Variants in SPATA17 observed in about 807,000 individuals in gnomAD.
The protein encoded by SPATA17 is spermatogenesis associated 17.
SPATA17 carries 53 observed loss-of-function variants against 62.2 expected under a neutral mutation model. The ratio of observed to expected loss-of-function variants is 0.85; its 90% CI spans 0.68 to 1.07. The LOEUF (loss-of-function observed/expected upper bound fraction) is 1.07. Ranked by LOEUF, SPATA17 falls within the 50% of genes least tolerant of loss-of-function variation. The pLI is 0.00. For missense variants in SPATA17, 466 were observed against 425.5 expected, an observed-to-expected ratio of 1.10 and a Z score of -0.84; for synonymous variants, 146 against 146.8, an observed-to-expected ratio of 0.99 and a Z score of 0.04.
At chr1:217,755,615 C>A (rs1673023844) in intron 6 of SPATA17, among the ~76,000 whole-genome samples, 1 of 151,866 alleles carries the variant, frequency 6.6e-6, no homozygotes, top group Non-Finnish European at 1.5e-5. Flanking sequence ...GTTTATTCAG[C>A]AATATTTTCC....
At chr1:217,702,328 C>T (rs1671618052) in intron 5 of SPATA17, among the ~76,000 whole-genome samples, 1 of 151,994 alleles carries the variant, frequency 6.6e-6, no homozygotes, top group South Asian at 2.1e-4. Context: ...TTTTAAATTA[C>T]CCATGCTTTT....
chr1:217,757,326 T>C (rs1210490394), intron 6 of SPATA17, among the ~76,000 whole-genome samples: 1 of 152,228 alleles, frequency 6.6e-6, no homozygotes, highest in Non-Finnish European at 1.5e-5. Flanking sequence ...AGTTTACATC[T>C]GAGTCAATAA....
At chr1:217,680,692 A>G (rs1671059028) in intron 4 of SPATA17, among the ~76,000 whole-genome samples, 2 of 152,082 alleles carry the variant, frequency 1.3e-5, no homozygotes, top group African/African-American at 2.4e-5. Flanking sequence ...TGGGAGGCCA[A>G]GGCGGGAGGA....
At chr1:217,660,910 C>T (rs1286136441) in intron 3 of SPATA17, among the ~76,000 whole-genome samples, 8 of 152,118 alleles carry the variant, frequency 5.3e-5, no homozygotes, top group African/African-American at 1.2e-4. Context: ...ATGGGTTACT[C>T]GGTTATGCTT....
chr1:217,802,047 T>C (rs1002673828), intron 9 of SPATA17, among the ~76,000 whole-genome samples, 197 bp downstream of exon 9: 2 of 152,118 alleles, frequency 1.3e-5, no homozygotes, highest in Non-Finnish European at 2.9e-5. Flanking sequence ...TTAAGTTTTA[T>C]GACTTAGCTA....
intron 9 of SPATA17, among the ~76,000 whole-genome samples, chr1:217,826,835 TTATTTAAATTCTCTGTACC>T (rs530278334): frequency 2.6e-3 from 398 of 152,240 alleles, no homozygotes; most frequent in Non-Finnish European, 5.1e-3. Flanking sequence ...TTTAAGCAAG[TTATTTAAATTCTCTGTACC>T]TTAATTTTCT....
At chr1:217,664,671 C>T (rs1039085552) in intron 3 of SPATA17, among the ~76,000 whole-genome samples, 1 of 151,866 alleles carries the variant, frequency 6.6e-6, no homozygotes, top group African/African-American at 2.4e-5. Flanking sequence ...GATTCAGAAG[C>T]CTAAGGAAGG....
intron 5 of SPATA17, among the ~76,000 whole-genome samples, chr1:217,707,990 G>A (rs367815561): frequency 8.5e-5 from 13 of 152,118 alleles, no homozygotes; most frequent in Admixed American, 7.2e-4. Flanking sequence ...TGGAATCAAG[G>A]AATTCTTTGA....
At chr1:217,846,876 A>G (rs1675542912) in intron 9 of SPATA17, among the ~76,000 whole-genome samples, 1 of 152,094 alleles carries the variant, frequency 6.6e-6, no homozygotes, top group Admixed American at 6.5e-5. Flanking sequence ...AATATAACAT[A>G]AATTATTTAG....
chr1:217,837,679 T>C (rs2103005071), intron 9 of SPATA17, among the ~76,000 whole-genome samples: 1 of 152,274 alleles, frequency 6.6e-6, no homozygotes, highest in South Asian at 2.1e-4. Flanking sequence ...TCCTTTACCA[T>C]CTGCATTTTC....
At chr1:217,700,850 C>A (rs1671580557) in intron 5 of SPATA17, among the ~76,000 whole-genome samples, 1 of 149,422 alleles carries the variant, frequency 6.7e-6, no homozygotes, top group Admixed American at 6.7e-5. Flanking sequence ...AAGTGATCCA[C>A]CCGCCTCAGT....
chr1:217,702,061 G>A (rs1020797092), intron 5 of SPATA17, among the ~76,000 whole-genome samples: 2 of 150,684 alleles, frequency 1.3e-5, no homozygotes, highest in Admixed American at 6.6e-5. Context: ...TGCAGATAAT[G>A]TTTTCTATTT....
intron 5 of SPATA17, among the ~76,000 whole-genome samples, chr1:217,723,667 T>C (rs1407024564): frequency 2.0e-5 from 3 of 152,146 alleles, no homozygotes; most frequent in African/African-American, 7.2e-5. Flanking sequence ...TCTGAGGAAG[T>C]CTATCTAATA....
intron 5 of SPATA17, among the ~76,000 whole-genome samples, chr1:217,729,811 A>G (rs965103201): frequency 2.0e-5 from 3 of 152,192 alleles, no homozygotes; most frequent in Admixed American, 2.0e-4. Context: ...GTCTTTTCAC[A>G]TGCTATATTT....
chr1:217,680,394 T>A (rs1468309222), intron 4 of SPATA17, among the ~76,000 whole-genome samples: 1 of 152,222 alleles, frequency 6.6e-6, no homozygotes, highest in Non-Finnish European at 1.5e-5. Context: ...TATGTATACA[T>A]ATTCCAATTG....
intron 6 of SPATA17, among the ~76,000 whole-genome samples, chr1:217,759,508 G>A (rs1673122804): frequency 6.6e-6 from 1 of 152,054 alleles, no homozygotes; most frequent in African/African-American, 2.4e-5. Context: ...GTGGCAATGG[G>A]GAACTGAGTT....
At chr1:217,704,846 A>G (rs988621852) in intron 5 of SPATA17, among the ~76,000 whole-genome samples, 2 of 152,106 alleles carry the variant, frequency 1.3e-5, no homozygotes, top group Non-Finnish European at 2.9e-5. Context: ...GCTATTGTGA[A>G]TGGTACTGAG....
intron 8 of SPATA17, among the ~76,000 whole-genome samples, chr1:217,794,017 A>G (rs11117939): frequency 0.47 from 70,287 of 150,634 alleles, 17,233 homozygotes; most frequent in Non-Finnish European, 0.55. Flanking sequence ...TCTGGAGGGT[A>G]AGGCAGGAGA....
intron 5 of SPATA17, among the ~76,000 whole-genome samples, chr1:217,687,859 T>G (rs1031104071): frequency 4.6e-5 from 7 of 152,228 alleles, no homozygotes; most frequent in African/African-American, 1.4e-4. Flanking sequence ...GTATTTTAAT[T>G]GAGCAATAAA....
Sources: gnomAD v4.1 joint callset for allele counts (sites outside exome capture counted in the v4.1 genomes callset) on GRCh38, gnomAD v4.1.1 for gene constraint, MANE v1.5 for transcripts, NCBI Gene and HGNC (gene_info 2026-07-23, HGNC 2026-07-21) for gene names.